Variants in KLF8 observed in about 807,000 individuals in gnomAD.
KLF8 encodes Krueppel-like factor 8.
KLF8 carries 10 observed loss-of-function variants against 18.2 expected under a neutral mutation model. The ratio of observed to expected loss-of-function variants is 0.55; its 90% CI spans 0.34 to 0.93. The LOEUF is 0.93. Ranked by LOEUF, KLF8 falls within the 40% of genes least tolerant of loss-of-function variation. The pLI is 0.02. For synonymous variants in KLF8, 109 were observed against 97.3 expected (o/e 1.12, Z -0.71); for missense variants, 264 against 277.9 (o/e 0.95, Z 0.36).
chrX:56,285,637 C>T lies in KLF8; in HGVS notation c.*1143C>T, dbSNP rs927295902. 1 of 111,948 alleles carries T rather than the reference C, an allele frequency of 8.9e-6. No individual in the cohort carries two copies. Among genetic ancestry groups the T allele is most frequent in the Non-Finnish European group, 1.9e-5 (1 of 53,184 alleles). 9.2% of individuals were successfully genotyped at this position (111,948 alleles called of 1,213,427 possible). A position where few individuals can be genotyped will look rare whatever the true frequency, so the allele number is the denominator to read the frequency against. ...TTTCAAATGAAACATAGATGCTTTT[C>T]ATGAAAACTGACCTACAAAAAGCAA... On this transcript the variant is annotated 3_prime_UTR_variant, in exon 6 of 6. Coordinates refer to ENST00000468660, the MANE Select transcript of KLF8 (RefSeq NM_007250.5).
the KLF8 span, among the ~76,000 whole-genome samples, chrX:56,215,044 A>T: frequency 8.9e-6 from 1 of 112,478 alleles, no homozygotes; most frequent in Non-Finnish European, 1.9e-5. Context: ...GTTGATCAGT[A>T]GACTATGAGT....
chrX:56,048,444 A>G, the KLF8 span, among the ~76,000 whole-genome samples: 2 of 111,797 alleles, frequency 1.8e-5, no homozygotes, highest in East Asian at 5.6e-4. Context: ...TAATTTTTGT[A>G]TAAGGTGTAA....
chrX:56,147,244 A>C, the KLF8 span, among the ~76,000 whole-genome samples: 2 of 111,755 alleles, frequency 1.8e-5, no homozygotes, highest in African/African-American at 6.5e-5. Context: ...GTGGTGACGG[A>C]AAGAGCATAA....
At chrX:56,056,697 C>T in the KLF8 span, among the ~76,000 whole-genome samples, 2 of 96,821 alleles carry the variant, frequency 2.1e-5, no homozygotes, top group Non-Finnish European at 4.1e-5. Flanking sequence ...ATACCTAATG[C>T]TAGATGACGA....
At chrX:55,932,381 ATTG>A in the KLF8 span, among the ~76,000 whole-genome samples, 1 of 110,993 alleles carries the variant, frequency 9.0e-6, no homozygotes, top group Non-Finnish European at 1.9e-5. Context: ...TAAGATTAAT[ATTG>A]TTATGTGTAA....
the KLF8 span, among the ~76,000 whole-genome samples, chrX:55,934,440 G>T: frequency 8.9e-6 from 1 of 112,056 alleles, no homozygotes. Flanking sequence ...AGATGCAATT[G>T]TCAGAAGCAG....
At chrX:56,085,637 T>C in the KLF8 span, among the ~76,000 whole-genome samples, 3 of 112,307 alleles carry the variant, frequency 2.7e-5, no homozygotes, top group Non-Finnish European at 5.6e-5. Flanking sequence ...AAATAATGTT[T>C]AACTAGAAAA....
chrX:56,197,712 G>C, the KLF8 span, among the ~76,000 whole-genome samples: 10 of 111,872 alleles, frequency 8.9e-5, no homozygotes, highest in Non-Finnish European at 1.9e-4. Context: ...AATAGAAAAA[G>C]AGGGAATCCT....
At chrX:55,927,113 G>C in the KLF8 span, among the ~76,000 whole-genome samples, 250 of 111,878 alleles carry the variant, frequency 2.2e-3, no homozygotes, top group Admixed American at 5.3e-3. Flanking sequence ...ATTTTCTTGG[G>C]TTAGAAAACA....
At chrX:56,216,244 A>T in the KLF8 span, among the ~76,000 whole-genome samples, 1 of 111,024 alleles carries the variant, frequency 9.0e-6, no homozygotes, top group Non-Finnish European at 1.9e-5. Context: ...CTAATTTGCC[A>T]CATCCCCTTC....
chrX:55,944,606 A>G, the KLF8 span, among the ~76,000 whole-genome samples: 2 of 111,569 alleles, frequency 1.8e-5, no homozygotes, highest in Non-Finnish European at 3.8e-5. Flanking sequence ...TAGATTTTCT[A>G]GTTTATTTGC....
the KLF8 span, among the ~76,000 whole-genome samples, chrX:55,941,806 A>T: frequency 8.9e-6 from 1 of 111,866 alleles, no homozygotes. Flanking sequence ...GCAAAACGAA[A>T]CCACAATGAA....
At chrX:56,116,722 C>T in the KLF8 span, among the ~76,000 whole-genome samples, 3 of 101,555 alleles carry the variant, frequency 3.0e-5, no homozygotes, top group Non-Finnish European at 4.0e-5. Flanking sequence ...TTACAGTTAC[C>T]GTATTTTCTT....
At chrX:55,931,764 G>C in the KLF8 span, among the ~76,000 whole-genome samples, 1 of 111,727 alleles carries the variant, frequency 9.0e-6, no homozygotes, top group South Asian at 3.8e-4. Context: ...TTTTGCATTT[G>C]CTGAGGAGTG....
At chrX:56,096,420 T>C in the KLF8 span, among the ~76,000 whole-genome samples, 1 of 111,450 alleles carries the variant, frequency 9.0e-6, no homozygotes, top group Non-Finnish European at 1.9e-5. Context: ...GAAATCTGCA[T>C]TTGTACCCCT....
At chrX:56,058,283 T>C in the KLF8 span, among the ~76,000 whole-genome samples, 177 of 32,690 alleles carry the variant, frequency 5.4e-3, 3 homozygotes, top group African/African-American at 0.018. Context: ...TATATACATA[T>C]ATATATATAT....
At chrX:56,231,025 G>T (rs893174458), upstream of KLF8, among the ~76,000 whole-genome samples, 3 of 111,873 alleles carry the variant, frequency 2.7e-5, no homozygotes, top group African/African-American at 9.7e-5. Flanking sequence ...GTCTATTTCA[G>T]TCAGAGAAAG....
At chrX:56,143,821 A>T in the KLF8 span, among the ~76,000 whole-genome samples, 8 of 112,367 alleles carry the variant, frequency 7.1e-5, no homozygotes, top group South Asian at 3.0e-3. Flanking sequence ...AGCTGCTTTG[A>T]TAAGTTCAGT....
the KLF8 span, among the ~76,000 whole-genome samples, chrX:56,198,359 C>T: frequency 1.8e-5 from 2 of 112,172 alleles, no homozygotes; most frequent in East Asian, 5.6e-4. Context: ...AGCCCAAAAT[C>T]TCCTTTAGCT....
Sources: gnomAD v4.1 joint callset for allele counts (sites outside exome capture counted in the v4.1 genomes callset) on GRCh38, gnomAD v4.1.1 for gene constraint, MANE v1.5 for transcripts, NCBI Gene and HGNC (gene_info 2026-07-23, HGNC 2026-07-21) for gene names.